CDC73: variants seen among roughly 807,000 people sequenced by gnomAD.
CDC73 encodes cell division cycle 73, also known as parafibromin.
Under a neutral mutation model 83.7 loss-of-function variants are expected in CDC73, and 21 were observed. That is an observed-to-expected ratio of 0.25 (90% CI 0.18 to 0.36). The LOEUF is 0.36. Ranked by LOEUF, CDC73 falls within the 10% of genes least tolerant of loss-of-function variation. CDC73 has a pLI of 1.00. For missense variants in CDC73, 342 were observed against 653.3 expected (o/e 0.52, Z 5.19); for synonymous variants, 224 against 212.9 (o/e 1.05, Z -0.45).
intron 10 of CDC73, among the ~76,000 whole-genome samples, chr1:193,192,217 C>G (rs985050676): frequency 6.6e-6 from 1 of 151,938 alleles, no homozygotes; most frequent in Non-Finnish European, 1.5e-5. Flanking sequence ...CCGAGATGAG[C>G]GAATCACCTG....
rs530183629 is a variant in CDC73 at position 193,132,994 on chromosome 1, C to T, written c.308-2397C>T. 8.6e-5 allele frequency among the ~76,000 whole-genome samples: 13 copies of T among 151,406 alleles called. No homozygotes were observed. The South Asian group carries it at 1.9e-3, about 22-fold the overall frequency. Reference sequence around the variant, plus strand: ...TTGGCTCACTGCAAGCTCCGCCTCCCGGGTGCATGCCATTCTTCTGCCTCA... The same window carrying T: ...TTGGCTCACTGCAAGCTCCGCCTCCTGGGTGCATGCCATTCTTCTGCCTCA... On this transcript the variant is annotated intron_variant, in intron 3 of 16. Coordinates refer to ENST00000367435, the MANE Select transcript of CDC73 (RefSeq NM_024529.5).
intron 16 of CDC73, among the ~76,000 whole-genome samples, 189 bp from the exon 17 acceptor site, chr1:193,250,487 A>C (rs182775445): frequency 2.6e-5 from 4 of 151,948 alleles, no homozygotes; most frequent in Admixed American, 1.3e-4. Context: ...CTCTTAGATT[A>C]TATTACTTAA....
intron 10 of CDC73, among the ~76,000 whole-genome samples, chr1:193,178,709 G>T (rs1676655446): frequency 6.6e-6 from 1 of 152,156 alleles, no homozygotes; most frequent in African/African-American, 2.4e-5. Context: ...AAGAGCTGGG[G>T]TGTGTTACAT....
chr1:193,165,513 G>T (rs1676421280), intron 10 of CDC73, among the ~76,000 whole-genome samples: 1 of 152,136 alleles, frequency 6.6e-6, no homozygotes. Context: ...AAAAAATTCT[G>T]CTGTGACATA....
At chr1:193,196,503 T>G (rs57094861) in intron 10 of CDC73, among the ~76,000 whole-genome samples, 296 of 152,330 alleles carry the variant, frequency 1.9e-3, no homozygotes, top group African/African-American at 6.8e-3. Context: ...GTTTTTCTAT[T>G]TCTGCAAAAA....
At chr1:193,172,607 A>G (rs971562065) in intron 10 of CDC73, among the ~76,000 whole-genome samples, 2 of 152,126 alleles carry the variant, frequency 1.3e-5, no homozygotes, top group African/African-American at 4.8e-5. Context: ...CCCGGGAACC[A>G]TCTTGTATGG....
chr1:193,138,489 C>G (rs1054373107), intron 6 of CDC73, among the ~76,000 whole-genome samples: 17 of 152,150 alleles, frequency 1.1e-4, no homozygotes, highest in Non-Finnish European at 2.2e-4. Flanking sequence ...CTGGAAAGTG[C>G]CACATGTTAA....
rs80356645 is a variant in CDC73, at chr1:193,125,238, TTATC to T, written c.237+29_237+32del. 0.047 allele frequency: 63,137 copies of T among 1,331,598 alleles called. 5,691 individuals carry two copies. Among genetic ancestry groups the T allele is most frequent in the East Asian group, 0.44 (19,116 of 43,150 alleles). The allele number at this position is 1,331,598 out of a possible 1,614,324, so 82.5% of individuals were successfully genotyped here. A position where few individuals can be genotyped will look rare whatever the true frequency, so the allele number is the denominator to read the frequency against. On this transcript the variant is annotated intron_variant, in intron 2 of 16. Coordinates refer to ENST00000367435, the MANE Select transcript of CDC73 (RefSeq NM_024529.5). Reference sequence around the variant, plus strand: ...CAGCTGTAAGTAGAATTCATTTTACTTATCTATCTATTTATCAGTTTTATTTTTA... The same window carrying T: ...CAGCTGTAAGTAGAATTCATTTTACTTATCTATTTATCAGTTTTATTTTTA...
intron 10 of CDC73, among the ~76,000 whole-genome samples, chr1:193,155,304 T>G (rs1676189279): frequency 6.6e-6 from 1 of 152,236 alleles, no homozygotes; most frequent in Admixed American, 6.5e-5. Context: ...CCCAGGTATC[T>G]TTAAAGTTAC....
At chr1:193,203,192 C>T (rs2103177590) in intron 10 of CDC73, among the ~76,000 whole-genome samples, 1 of 152,210 alleles carries the variant, frequency 6.6e-6, no homozygotes, top group South Asian at 2.1e-4. Context: ...TACCATATTT[C>T]CATGTACATC....
At chr1:193,154,332 A>G (rs1676171102) in intron 10 of CDC73, among the ~76,000 whole-genome samples, 1 of 152,228 alleles carries the variant, frequency 6.6e-6, no homozygotes, top group Non-Finnish European at 1.5e-5. Context: ...CTTCTTTGCA[A>G]GTAGTAAAAT....
At chr1:193,241,887 TGCTA>T (rs1474301003) in intron 15 of CDC73, among the ~76,000 whole-genome samples, 1 of 152,190 alleles carries the variant, frequency 6.6e-6, no homozygotes, top group East Asian at 1.9e-4. Flanking sequence ...CTTGGCAGTG[TGCTA>T]CCAGCACTTG....
chr1:193,211,972 C>T (rs937344527), intron 11 of CDC73, 93 bp from the exon 12 acceptor site: 3 of 938,674 alleles, frequency 3.2e-6, no homozygotes, highest in East Asian at 2.6e-5. Context: ...TATGGGAATA[C>T]ACATAATTTA....
chr1:193,201,725 T>G (rs1677094230), intron 10 of CDC73, among the ~76,000 whole-genome samples: 6 of 152,188 alleles, frequency 3.9e-5, no homozygotes. Context: ...GGTTACAATT[T>G]ATAGTGGAAA....
chr1:193,228,365 G>A (rs879820312), intron 13 of CDC73, among the ~76,000 whole-genome samples: 9 of 152,138 alleles, frequency 5.9e-5, no homozygotes, highest in South Asian at 2.1e-4. Context: ...AAAAAGATAC[G>A]GTGCAATTTA....
intron 10 of CDC73, among the ~76,000 whole-genome samples, chr1:193,177,935 C>G (rs991112922): frequency 1.3e-5 from 2 of 152,146 alleles, no homozygotes; most frequent in African/African-American, 2.4e-5. Flanking sequence ...TTTTCATCTT[C>G]TTAAGTACCT....
chr1:193,216,123 T>C (rs1285648477), intron 13 of CDC73, among the ~76,000 whole-genome samples: 1 of 152,066 alleles, frequency 6.6e-6, no homozygotes, highest in Non-Finnish European at 1.5e-5. Context: ...TAAATTGATA[T>C]GTGAAAATCC....
chr1:193,190,367 G>A (rs1470374184), intron 10 of CDC73, among the ~76,000 whole-genome samples: 1 of 152,136 alleles, frequency 6.6e-6, no homozygotes, highest in African/African-American at 2.4e-5. Flanking sequence ...CAAATGGCTT[G>A]TTTTTGGTTA....
chr1:193,252,515 A>G lies in CDC73; in HGVS notation c.*1803A>G. ...AGACAGAATATGGTTAAAATTAGGA[A>G]CATCTACTTTGAATGAGGTTTATTT... On this transcript the variant is annotated 3_prime_UTR_variant, in exon 17 of 17. Coordinates refer to ENST00000367435, the MANE Select transcript of CDC73 (RefSeq NM_024529.5). 4.3e-6 allele frequency: 1 copy of G among 230,208 alleles called. No homozygotes were observed. Among genetic ancestry groups the G allele is most frequent in the Non-Finnish European group, 8.6e-6 (1 of 116,134 alleles). The allele number at this position is 230,208 out of a possible 1,614,324, so 14.3% of individuals were successfully genotyped here. A position where few individuals can be genotyped will look rare whatever the true frequency, so the allele number is the denominator to read the frequency against.
Sources: allele counts gnomAD v4.1 joint callset (sites outside exome capture counted in the v4.1 genomes callset), GRCh38; gene constraint gnomAD v4.1.1; transcripts MANE v1.5; gene names NCBI Gene and HGNC (gene_info 2026-07-23, HGNC 2026-07-21).